Variants in YBEY observed in about 807,000 individuals in gnomAD.
The protein encoded by YBEY is ybeY metalloendoribonuclease.
In YBEY, 15 loss-of-function variants were observed where a neutral mutation model predicts 13.5. The ratio of observed to expected loss-of-function variants is 1.11; its 90% CI spans 0.75 to 1.72. The LOEUF (loss-of-function observed/expected upper bound fraction) is 1.72, where lower values mean the gene tolerates loss of function less well. YBEY is among the 40% of genes most tolerant of loss of function. The probability of loss-of-function intolerance (pLI) is 0.00; values close to 1 mark genes in which losing one functional copy is unlikely to be tolerated. For synonymous variants in YBEY, 101 were observed against 83.1 expected, an observed-to-expected ratio of 1.21 and a Z score of -1.17; for missense variants, 244 against 208.4, an observed-to-expected ratio of 1.17 and a Z score of -1.05.
At chr21:46,309,610 C>T in the YBEY span, among the ~76,000 whole-genome samples, 6 of 152,164 alleles carry the variant, frequency 3.9e-5, no homozygotes, top group Non-Finnish European at 7.3e-5. Flanking sequence ...TTTATTGATA[C>T]ACCCAACGAC....
At chr21:46,299,750 G>GCCCCCCCCCCCCCCCCCCCCCCCCC (rs545785598), downstream of YBEY, among the ~76,000 whole-genome samples, 22 of 147,218 alleles carry the variant, frequency 1.5e-4, no homozygotes, top group South Asian at 2.1e-4. Context: ...TGTGCCCTGA[G>GCCCCCCCCCCCCCCCCCCCCCCCCC]CCCCCCCCAC....
downstream of YBEY, among the ~76,000 whole-genome samples, chr21:46,299,750 G>GCCCCCCCCCCCCCCCCCCCCCC (rs545785598): frequency 1.4e-4 from 21 of 147,210 alleles, no homozygotes; most frequent in African/African-American, 3.6e-4. Context: ...TGTGCCCTGA[G>GCCCCCCCCCCCCCCCCCCCCCC]CCCCCCCCAC....
chr21:46,297,420 C>A, intron 4 of YBEY, 119 bp from the exon 5 acceptor site: 1 of 999,940 alleles, frequency 1.0e-6, no homozygotes, highest in Non-Finnish European at 1.3e-6. Flanking sequence ...TGAGCTAGAG[C>A]CGCGCGGGCG....
At chr21:46,306,325 C>A in the YBEY span, among the ~76,000 whole-genome samples, 1 of 151,738 alleles carries the variant, frequency 6.6e-6, no homozygotes, top group Non-Finnish European at 1.5e-5. Flanking sequence ...ATGGTGAAAC[C>A]CCGTCTCAAC....
At chr21:46,297,262 C>T (rs1185088195) in intron 4 of YBEY, among the ~76,000 whole-genome samples, 2 of 150,054 alleles carry the variant, frequency 1.3e-5, no homozygotes, top group Admixed American at 6.6e-5. Context: ...TCCCCTCCTC[C>T]CCCTTCCCTT....
downstream of YBEY, among the ~76,000 whole-genome samples, chr21:46,298,393 G>T (rs1312098340): frequency 2.7e-5 from 4 of 150,480 alleles, no homozygotes; most frequent in Admixed American, 2.7e-4. Context: ...TGTCGAAAAA[G>T]TACTCGTGAA....
downstream of YBEY, chr21:46,302,072 T>C: frequency 8.1e-7 from 1 of 1,237,840 alleles, no homozygotes; most frequent in South Asian, 1.5e-5. Flanking sequence ...CCACACAGCA[T>C]GGTGGTGGTG....
At chr21:46,311,970 C>CCCACCCTTCCATCCACCCAT in the YBEY span, among the ~76,000 whole-genome samples, 1 of 82,788 alleles carries the variant, frequency 1.2e-5, no homozygotes, top group Non-Finnish European at 2.5e-5. Context: ...CACCCACCCA[C>CCCACCCTTCCATCCACCCAT]CCACCCATCC....
chr21:46,299,178 G>A (rs1262698287), downstream of YBEY, among the ~76,000 whole-genome samples: 1 of 151,912 alleles, frequency 6.6e-6, no homozygotes, highest in African/African-American at 2.4e-5. Context: ...ATGTTGGCCG[G>A]GCAGGTCTCA....
At chr21:46,296,306 A>AC in intron 4 of YBEY, 76 bp downstream of exon 4, 1 of 1,386,210 alleles carries the variant, frequency 7.2e-7, no homozygotes, top group South Asian at 1.2e-5. Flanking sequence ...GCCAGCCCCC[A>AC]CCCTCCATCT....
intron 3 of YBEY, 89 bp from the exon 4 acceptor site, chr21:46,296,073 C>G (rs1387442726): frequency 2.0e-6 from 3 of 1,467,142 alleles, no homozygotes; most frequent in African/African-American, 1.4e-5. Context: ...CAGCCACATA[C>G]CAAGAGCAGC....
chr21:46,307,720 G>A, the YBEY span, among the ~76,000 whole-genome samples: 1 of 152,280 alleles, frequency 6.6e-6, no homozygotes, highest in Non-Finnish European at 1.5e-5. Context: ...TCAGCACAGG[G>A]GTTGGGATAG....
the YBEY span, among the ~76,000 whole-genome samples, chr21:46,310,153 G>A: frequency 6.6e-6 from 1 of 152,244 alleles, no homozygotes; most frequent in East Asian, 1.9e-4. Flanking sequence ...CTTGATTGTA[G>A]TGATATAAGT....
downstream of YBEY, chr21:46,301,962 T>G (rs1601620856): frequency 8.8e-6 from 13 of 1,473,550 alleles, no homozygotes; most frequent in Non-Finnish European, 1.2e-5. Flanking sequence ...AGCCTGGGGG[T>G]GGAGGGTGCC....
chr21:46,306,380 T>C, the YBEY span, among the ~76,000 whole-genome samples: 2 of 152,070 alleles, frequency 1.3e-5, no homozygotes, highest in African/African-American at 4.8e-5. Flanking sequence ...ACGCCTGTAG[T>C]CCCAGCTACT....
At chr21:46,309,148 G>A in the YBEY span, among the ~76,000 whole-genome samples, 1 of 152,068 alleles carries the variant, frequency 6.6e-6, no homozygotes, top group East Asian at 1.9e-4. Context: ...GCGAAATCCC[G>A]TCTCTACTAA....
At chr21:46,301,827 A>G (rs2082117604), downstream of YBEY, 3 of 1,262,678 alleles carry the variant, frequency 2.4e-6, no homozygotes. Flanking sequence ...CCGTGACCAG[A>G]AAGCGAGCCT....
chr21:46,302,198 T>C, downstream of YBEY: 1 of 1,434,574 alleles, frequency 7.0e-7, no homozygotes, highest in Non-Finnish European at 9.1e-7. Context: ...CCCAGGCTGC[T>C]CCCCACCTCC....
At chr21:46,292,598 A>G (rs1331376625) in intron 3 of YBEY, among the ~76,000 whole-genome samples, 12 of 125,954 alleles carry the variant, frequency 9.5e-5, no homozygotes, top group East Asian at 7.8e-4. Flanking sequence ...GGTTAGCCTG[A>G]CCCGTGCCCG....
Sources: allele counts gnomAD v4.1 joint callset (sites outside exome capture counted in the v4.1 genomes callset), GRCh38; gene constraint gnomAD v4.1.1; transcripts MANE v1.5; gene names NCBI Gene and HGNC (gene_info 2026-07-23, HGNC 2026-07-21).